The following ROBO1 variants were observed in gnomAD, a reference collection of about 807,000 sequenced individuals.
ROBO1 encodes the protein roundabout guidance receptor 1, also known as roundabout homolog 1.
A neutral mutation model predicts 195.9 loss-of-function variants in ROBO1; 149 were observed. The ratio of observed to expected loss-of-function variants is 0.76; its 90% CI spans 0.67 to 0.87. ROBO1 has a LOEUF of 0.87. Ranked by LOEUF, ROBO1 falls within the 40% of genes least tolerant of loss-of-function variation. ROBO1 has a pLI of 0.00. For missense variants in ROBO1, 1,933 were observed against 2,068.3 expected (o/e 0.93, Z 1.27); for synonymous variants, 816 against 733.2 (o/e 1.11, Z -1.82).
intron 2 of ROBO1, among the ~76,000 whole-genome samples, chr3:79,292,641 T>C (rs1383323231): frequency 2.0e-5 from 3 of 152,204 alleles, no homozygotes; most frequent in African/African-American, 2.4e-5. Context: ...AAATACGTGT[T>C]TTTTTCCTTT....
chr3:79,324,230 T>C (rs1220852872), intron 2 of ROBO1, among the ~76,000 whole-genome samples: 1 of 152,164 alleles, frequency 6.6e-6, no homozygotes, highest in African/African-American at 2.4e-5. Flanking sequence ...GGAAGATTAA[T>C]GTGGAGAGTT....
In ROBO1 at chr3:79,090,602, A is replaced by C. The variant is rs542385591; in HGVS notation, c.172+34854T>G. On this transcript the variant is annotated intron_variant, in intron 3 of 30. Coordinates refer to ENST00000464233, the MANE Select transcript of ROBO1 (RefSeq NM_002941.4). The stretch of plus-strand genomic sequence containing the variant: ...AAAAGTTTGGGCTTTGGATGCAGAT[A>C]TACTTCAGTTCAAATCTTGGTTCTA... Among the ~76,000 whole-genome samples, 4 of 152,250 alleles carry C rather than the reference A, an allele frequency of 2.6e-5. No homozygotes were observed. The East Asian group carries it at 7.7e-4, about 29-fold the overall frequency.
At chr3:78,830,427 T>G (rs2032058775) in intron 4 of ROBO1, among the ~76,000 whole-genome samples, 1 of 152,174 alleles carries the variant, frequency 6.6e-6, no homozygotes, top group Non-Finnish European at 1.5e-5. Flanking sequence ...AACCCAAGAC[T>G]GGTAATTTGT....
chr3:78,846,999 G>C (rs2106814883), intron 4 of ROBO1, among the ~76,000 whole-genome samples: 1 of 152,202 alleles, frequency 6.6e-6, no homozygotes, highest in South Asian at 2.1e-4. Flanking sequence ...TCAACACTTA[G>C]TACAATGATG....
At chr3:79,250,892 TA>T (rs1196902713) in intron 2 of ROBO1, among the ~76,000 whole-genome samples, 1 of 152,052 alleles carries the variant, frequency 6.6e-6, no homozygotes, top group Non-Finnish European at 1.5e-5. Flanking sequence ...ACGCCTCTAC[TA>T]AAAATACAAA....
At chr3:79,435,184 C>T (rs1165928527) in intron 2 of ROBO1, among the ~76,000 whole-genome samples, 1 of 152,062 alleles carries the variant, frequency 6.6e-6, no homozygotes, top group African/African-American at 2.4e-5. Flanking sequence ...GCACGTTGTG[C>T]ACATGTACCC....
At chr3:79,104,135 G>A (rs2079731168) in intron 3 of ROBO1, among the ~76,000 whole-genome samples, 1 of 151,792 alleles carries the variant, frequency 6.6e-6, no homozygotes, top group Admixed American at 6.6e-5. Flanking sequence ...GGATGTTGAA[G>A]CCGGGTAAAG....
At chr3:79,448,635 G>A (rs1222401002) in intron 2 of ROBO1, among the ~76,000 whole-genome samples, 2 of 152,082 alleles carry the variant, frequency 1.3e-5, no homozygotes, top group African/African-American at 4.8e-5. Context: ...ACCGCGATAT[G>A]AGCTTGATGT....
At chr3:79,644,594 C>G (rs1379094069) in intron 1 of ROBO1, among the ~76,000 whole-genome samples, 1 of 152,106 alleles carries the variant, frequency 6.6e-6, no homozygotes, top group Non-Finnish European at 1.5e-5. Context: ...AAGAACAGCA[C>G]AGGAAAGCCT....
At chr3:78,864,205 G>T (rs575702696) in intron 4 of ROBO1, among the ~76,000 whole-genome samples, 23 of 152,144 alleles carry the variant, frequency 1.5e-4, no homozygotes, top group Non-Finnish European at 2.9e-4. Context: ...GCTTATAAGG[G>T]AATGCCATTT....
intron 1 of ROBO1, among the ~76,000 whole-genome samples, chr3:79,656,200 G>A (rs567773469): frequency 1.3e-5 from 2 of 151,376 alleles, no homozygotes; most frequent in Admixed American, 6.6e-5. Context: ...ATTTCTCTTA[G>A]GTCAACGGTT....
At chr3:79,339,721 G>A (rs1040139678) in intron 2 of ROBO1, among the ~76,000 whole-genome samples, 1 of 152,136 alleles carries the variant, frequency 6.6e-6, no homozygotes, top group Admixed American at 6.5e-5. Context: ...AAGCTCCGTT[G>A]AAGGCCAAAA....
intron 2 of ROBO1, among the ~76,000 whole-genome samples, chr3:79,516,633 T>G (rs1224120746): frequency 2.0e-5 from 3 of 152,188 alleles, no homozygotes; most frequent in African/African-American, 7.2e-5. Context: ...CATATTATTA[T>G]GTAGTATTTA....
intron 8 of ROBO1, among the ~76,000 whole-genome samples, chr3:78,711,331 C>CCTT (rs1559772499): frequency 3.7e-5 from 4 of 107,640 alleles, no homozygotes; most frequent in African/African-American, 1.6e-4. Context: ...CTCTCTCCTT[C>CCTT]CTTCCTTCCT....
intron 2 of ROBO1, among the ~76,000 whole-genome samples, chr3:79,442,475 C>T (rs2039089778): frequency 1.3e-5 from 2 of 152,036 alleles, no homozygotes; most frequent in African/African-American, 4.8e-5. Context: ...TGCATTAATA[C>T]AGGATTACTA....
At chr3:79,095,419 T>C (rs2079549269) in intron 3 of ROBO1, among the ~76,000 whole-genome samples, 1 of 152,054 alleles carries the variant, frequency 6.6e-6, no homozygotes, top group East Asian at 1.9e-4. Context: ...CCTGCAGTCC[T>C]ATGGAGATTT....
intron 5 of ROBO1, among the ~76,000 whole-genome samples, chr3:78,738,386 G>T (rs72908874): frequency 0.028 from 4,209 of 152,188 alleles, 188 homozygotes; most frequent in African/African-American, 0.097. Flanking sequence ...GCGTTAAATA[G>T]TTATTTTTGG....
Position 78,688,635 on chromosome 3 carries a change from A to T in ROBO1, c.1170+13T>A. 1 of 1,556,852 alleles carries T rather than the reference A, an allele frequency of 6.4e-7. No individual in the cohort carries two copies. Among genetic ancestry groups the T allele is most frequent in the East Asian group, 2.3e-5 (1 of 43,782 alleles). Reference sequence around the variant, plus strand: ...TGCTGATTTAAAAAAAAAAAGTTAGAAAAAGGTGGTACCTGACTCCCTTCT... The same window carrying T: ...TGCTGATTTAAAAAAAAAAAGTTAGTAAAAGGTGGTACCTGACTCCCTTCT... On this transcript the variant is annotated intron_variant, in intron 9 of 30. Coordinates refer to ENST00000464233, the MANE Select transcript of ROBO1 (RefSeq NM_002941.4).
chr3:79,626,161 T>C lies in ROBO1; in HGVS notation c.-50-36200A>G, dbSNP rs115949458. Among the ~76,000 whole-genome samples the C allele has an allele frequency of 3.1e-3, 472 of 152,236 alleles. 2 individuals carry two copies. The highest frequency in any genetic ancestry group is 0.011 in the African/African-American group (460 of 41,546). On this transcript the variant is annotated intron_variant, in intron 1 of 30. Transcript: ENST00000464233. ...TTCAACATCCTTTCATGTTAAAAAC[T>C]CTCAGCTGGGCATGGTGGCTCACAC...
Sources: gnomAD v4.1 joint callset for allele counts (sites outside exome capture counted in the v4.1 genomes callset) on GRCh38, gnomAD v4.1.1 for gene constraint, MANE v1.5 for transcripts, NCBI Gene and HGNC (gene_info 2026-07-23, HGNC 2026-07-21) for gene names.